The following NKAIN3 variants were observed in gnomAD, a reference collection of about 807,000 sequenced individuals.
NKAIN3 encodes sodium/potassium-transporting ATPase subunit beta-1-interacting protein 3.
Under a neutral mutation model 30.2 loss-of-function variants are expected in NKAIN3, and 25 were observed. That is an observed-to-expected ratio of 0.83 (90% CI 0.60 to 1.16). The LOEUF (loss-of-function observed/expected upper bound fraction) is 1.16, where lower values mean the gene tolerates loss of function less well. Ranked by LOEUF, NKAIN3 falls within the 50% of genes most tolerant of loss-of-function variation. The pLI is 0.00. For synonymous variants in NKAIN3, 91 were observed against 89.6 expected (o/e 1.02, Z -0.09); for missense variants, 225 against 254.1 (o/e 0.89, Z 0.78).
intron 3 of NKAIN3, among the ~76,000 whole-genome samples, chr8:62,720,629 CT>C (rs1815058949): frequency 6.6e-6 from 1 of 152,164 alleles, no homozygotes; most frequent in Non-Finnish European, 1.5e-5. Flanking sequence ...TATTTATTCC[CT>C]TTTTCCTCCT....
In NKAIN3 at chr8:62,944,683, C is replaced by T. The variant is rs144515140; in HGVS notation, c.533-9219C>T. Among the ~76,000 whole-genome samples the T allele has an allele frequency of 2.5e-3, 386 of 152,156 alleles. 2 individuals carry two copies. The highest frequency in any genetic ancestry group is 8.8e-3 in the African/African-American group (365 of 41,496). On this transcript the variant is annotated intron_variant, in intron 5 of 6. Transcript: ENST00000623646. ...GAAATTTTTAAGTGTTTAATTTCTG[C>T]TTTGGATGGGAATATAATTTCAATT...
chr8:62,498,677 G>A (rs913042152), intron 1 of NKAIN3, among the ~76,000 whole-genome samples: 4 of 151,680 alleles, frequency 2.6e-5, no homozygotes, highest in African/African-American at 9.7e-5. Flanking sequence ...TACAGATTTG[G>A]GACCAAGAAT....
At chr8:62,290,256 C>G (rs1813543532) in intron 1 of NKAIN3, among the ~76,000 whole-genome samples, 1 of 152,146 alleles carries the variant, frequency 6.6e-6, no homozygotes, top group Admixed American at 6.5e-5. Flanking sequence ...CCTGATTTCC[C>G]TGGCCAGAAC....
chr8:62,615,961 T>C (rs1228440373), intron 3 of NKAIN3, among the ~76,000 whole-genome samples: 2 of 152,180 alleles, frequency 1.3e-5, no homozygotes, highest in Non-Finnish European at 2.9e-5. Flanking sequence ...TTGATTCTTA[T>C]GAAGGTGTTT....
chr8:62,353,682 A>G (rs1816252890), intron 1 of NKAIN3, among the ~76,000 whole-genome samples: 1 of 152,220 alleles, frequency 6.6e-6, no homozygotes, highest in Non-Finnish European at 1.5e-5. Flanking sequence ...GGCACATAGT[A>G]GGAACTCCAT....
chr8:62,935,444 C>T (rs1186415575), intron 5 of NKAIN3, among the ~76,000 whole-genome samples: 2 of 152,074 alleles, frequency 1.3e-5, no homozygotes, highest in African/African-American at 4.8e-5. Flanking sequence ...TGTGAGGCAG[C>T]CATTGTCCTC....
intron 5 of NKAIN3, among the ~76,000 whole-genome samples, chr8:62,919,747 A>G (rs1180670175): frequency 6.6e-6 from 1 of 152,134 alleles, no homozygotes; most frequent in Non-Finnish European, 1.5e-5. Context: ...AACGCTTCCC[A>G]TCAAACAGAT....
chr8:62,725,649 A>G (rs1477795511), intron 3 of NKAIN3, among the ~76,000 whole-genome samples: 2 of 152,118 alleles, frequency 1.3e-5, no homozygotes, highest in Non-Finnish European at 2.9e-5. Context: ...TTTGTCAAAA[A>G]TGAGTTAACT....
chr8:62,298,825 C>CA (rs200805133), intron 1 of NKAIN3, among the ~76,000 whole-genome samples: 11,124 of 149,274 alleles, frequency 0.075, 1,332 homozygotes, highest in African/African-American at 0.26. Flanking sequence ...AAATGTATAC[C>CA]ATAATACATA....
At chr8:62,622,856 G>C (rs193183262) in intron 3 of NKAIN3, among the ~76,000 whole-genome samples, 1 of 151,886 alleles carries the variant, frequency 6.6e-6, no homozygotes, top group Non-Finnish European at 1.5e-5. Context: ...TCTAAATCCT[G>C]AAGATTTTCT....
chr8:62,708,913 T>A (rs1814626560), intron 3 of NKAIN3, among the ~76,000 whole-genome samples: 1 of 152,160 alleles, frequency 6.6e-6, no homozygotes, highest in Non-Finnish European at 1.5e-5. Flanking sequence ...CAGATTTTGA[T>A]GAGAGTTATA....
At position 62,718,156 on chromosome 8, in the gene NKAIN3, C is replaced by T. The variant is rs539464087; in HGVS notation, c.274-28776C>T. 5.3e-5 allele frequency among the ~76,000 whole-genome samples: 8 copies of T among 152,284 alleles called. No homozygotes were observed. In the South Asian group the frequency reaches 1.7e-3, roughly 32 times the overall value. Reference sequence around the variant, plus strand: ...ATGAGAAAGACAAGCCCCCATGATTCAATTACCTCCCACTGGGTCCCTCCC... The same window carrying T: ...ATGAGAAAGACAAGCCCCCATGATTTAATTACCTCCCACTGGGTCCCTCCC... On this transcript the variant is annotated intron_variant, in intron 3 of 6. Coordinates refer to ENST00000623646, the MANE Select transcript of NKAIN3 (RefSeq NM_001304533.3).
chr8:62,966,085 C>T lies in NKAIN3; in HGVS notation c.*678C>T. 7 of 982,346 alleles carry T rather than the reference C, an allele frequency of 7.1e-6. No individual in the cohort carries two copies. Among genetic ancestry groups the T allele is most frequent in the Non-Finnish European group, 8.5e-6 (7 of 827,246 alleles). The allele number at this position is 982,346 out of a possible 1,614,324, so 60.9% of individuals were successfully genotyped here. A position where few individuals can be genotyped will look rare whatever the true frequency, so the allele number is the denominator to read the frequency against. On this transcript the variant is annotated 3_prime_UTR_variant, in exon 7 of 7. Coordinates refer to ENST00000623646, the MANE Select transcript of NKAIN3 (RefSeq NM_001304533.3). ...TGGAAGAGTAAAAGGATTAGTAGAA[C>T]CCCTTTCCCCTTTGGAGGGAATATG... is the stretch of plus-strand genomic sequence containing the variant.
Position 62,373,110 on chromosome 8 carries a change from T to C in NKAIN3, c.54+123983T>C, listed in dbSNP as rs928418488. On this transcript the variant is annotated intron_variant, in intron 1 of 6. Transcript: ENST00000623646. The stretch of plus-strand genomic sequence containing the variant: ...AATATCACTAGAAAGAGAGGCATTA[T>C]GTAGCTATTTAAGGTAGTTAAGTGC... 2.0e-5 allele frequency among the ~76,000 whole-genome samples: 3 copies of C among 152,276 alleles called. No homozygotes were observed. The East Asian group carries it at 5.8e-4, about 29-fold the overall frequency.
chr8:62,465,234 A>T (rs1357203934), intron 1 of NKAIN3, among the ~76,000 whole-genome samples: 3 of 152,216 alleles, frequency 2.0e-5, no homozygotes, highest in Non-Finnish European at 4.4e-5. Flanking sequence ...TCAGATTTAT[A>T]CCATAATTGT....
chr8:62,330,807 C>A (rs958050778), intron 1 of NKAIN3, among the ~76,000 whole-genome samples: 1 of 151,934 alleles, frequency 6.6e-6, no homozygotes, highest in Admixed American at 6.6e-5. Context: ...CTAACAGTTT[C>A]ACTCCTAGCC....
intron 4 of NKAIN3, among the ~76,000 whole-genome samples, chr8:62,767,174 C>G (rs1816866748): frequency 6.6e-6 from 1 of 152,098 alleles, no homozygotes; most frequent in Non-Finnish European, 1.5e-5. Context: ...TGGAGCTGAC[C>G]CCACTATCCT....
rs1168562523 is a variant in NKAIN3 at position 62,935,523 on chromosome 8, A to G, written c.532+17010A>G. Among the ~76,000 whole-genome samples the G allele has an allele frequency of 3.3e-5, 5 of 152,190 alleles. No homozygotes were observed. In the East Asian group the frequency reaches 9.6e-4, roughly 29 times the overall value. On this transcript the variant is annotated intron_variant, in intron 5 of 6. Coordinates refer to ENST00000623646, the MANE Select transcript of NKAIN3 (RefSeq NM_001304533.3). ...ATAGCGTGTAAGAACTGCAATTAAT[A>G]TTTAATCCAGATATTTTGGGTGCCA...
chr8:62,428,475 G>A (rs1804887751), intron 1 of NKAIN3, among the ~76,000 whole-genome samples: 1 of 151,906 alleles, frequency 6.6e-6, no homozygotes, highest in Non-Finnish European at 1.5e-5. Context: ...CAGTGTTCAA[G>A]TGTTCCCCTT....
Sources: allele counts gnomAD v4.1 joint callset (sites outside exome capture counted in the v4.1 genomes callset), GRCh38; gene constraint gnomAD v4.1.1; transcripts MANE v1.5; gene names NCBI Gene and HGNC (gene_info 2026-07-23, HGNC 2026-07-21).